PDZD4: variants seen among roughly 807,000 people sequenced by gnomAD.
PDZD4 encodes PDZ domain-containing protein 4.
PDZD4 carries 9 observed loss-of-function variants against 38.5 expected under a neutral mutation model. That is an observed-to-expected ratio of 0.23 (90% CI 0.14 to 0.41). PDZD4 has a LOEUF of 0.41. Ranked by LOEUF, PDZD4 falls within the 10% of genes least tolerant of loss-of-function variation. PDZD4 has a pLI of 1.00. For missense variants in PDZD4, 612 were observed against 722.0 expected (o/e 0.85, Z 1.75); for synonymous variants, 349 against 315.7 (o/e 1.11, Z -1.12).
Position 153,808,416 on chromosome X carries a change from A to G in PDZD4, c.240T>C (p.His80=). ...GACGCAGCTTGCCCAGCGCCATGAT[A>G]TGCTCGAAGGTGATGTCGGTCTGAG... is the stretch of plus-strand genomic sequence containing the variant. ...SGTQTDITFE[H]IMALGKLRPP... The change falls in exon 2 of 8, where the codon CAT becomes CAC. Residue 80 remains histidine, a synonymous_variant. Transcript: ENST00000393758. The G allele has an allele frequency of 2.5e-6, 3 of 1,211,086 alleles. No individual in the cohort carries two copies. The highest frequency in any genetic ancestry group is 3.4e-6 in the Non-Finnish European group (3 of 895,379).
At chrX:153,828,820 C>T (rs1366455209) in intron 1 of PDZD4, among the ~76,000 whole-genome samples, 1 of 111,960 alleles carries the variant, frequency 8.9e-6, no homozygotes, top group Non-Finnish European at 1.9e-5. Context: ...GGATGGGATC[C>T]AGAGTCCCCG....
chrX:153,811,274 T>A (rs2064307846), intron 1 of PDZD4, among the ~76,000 whole-genome samples: 1 of 111,846 alleles, frequency 8.9e-6, no homozygotes, highest in East Asian at 2.8e-4. Flanking sequence ...ATAGCTAGGA[T>A]TACAGGCACC....
rs1217359454 is a variant in PDZD4 at position 153,804,066 on chromosome X, CCCGGGAGAGGGA to C, written c.1603_1614del (p.Ser535_Arg538del). On this transcript the variant is annotated inframe_deletion, in exon 8 of 8. Transcript: ENST00000393758. ...TGCTGCCTCCGGCCGGCCTCAGGAT[CCCGGGAGAGGGA>C]CCGGAACTTGGCGGGGCTCCCCGGT... 8 of 1,157,837 alleles carry C rather than the reference CCCGGGAGAGGGA, an allele frequency of 6.9e-6. No homozygotes were observed. Among genetic ancestry groups the C allele is most frequent in the Non-Finnish European group, 9.2e-6 (8 of 871,694 alleles).
At chrX:153,826,343 T>C (rs2148478397) in intron 1 of PDZD4, among the ~76,000 whole-genome samples, 1 of 111,579 alleles carries the variant, frequency 9.0e-6, no homozygotes, top group African/African-American at 3.2e-5. Flanking sequence ...TCCTGAGGAA[T>C]CTACTAAACA....
intron 1 of PDZD4, among the ~76,000 whole-genome samples, chrX:153,822,422 G>A (rs1358609083): frequency 9.0e-6 from 1 of 111,055 alleles, no homozygotes; most frequent in African/African-American, 3.3e-5. Flanking sequence ...CCTCTGCAGC[G>A]TTTTACAATC....
rs1557076333 is a variant in PDZD4 at position 153,804,872 on chromosome X, G to A, written c.809C>T (p.Pro270Leu). 4 of 1,208,636 alleles carry A rather than the reference G, an allele frequency of 3.3e-6. No homozygotes were observed. Among genetic ancestry groups the A allele is most frequent in the Non-Finnish European group, 4.5e-6 (4 of 894,315 alleles). Residue 270 changes from proline (P) to leucine (L), a missense_variant, in exon 8 of 8, where the codon CCC becomes CTC. Transcript: ENST00000393758. ...QPGNEEEKGA[P>L]DAGPGLSNSQ... ...GTTGCTCAGGCCTGGGCCGGCATCG[G>A]GAGCCCCCTTCTCCTCTTCGTTTCC...
intron 1 of PDZD4, among the ~76,000 whole-genome samples, chrX:153,828,479 G>T (rs1557082971): frequency 8.9e-6 from 1 of 112,655 alleles, no homozygotes; most frequent in African/African-American, 3.2e-5. Context: ...TCCTTGGGGT[G>T]GGCAAGTCCC....
At chrX:153,817,973 C>A (rs782062881) in intron 1 of PDZD4, among the ~76,000 whole-genome samples, 16 of 112,521 alleles carry the variant, frequency 1.4e-4, no homozygotes, top group African/African-American at 4.2e-4. Context: ...CGGCCAGGCA[C>A]GGTGGCTCAA....
chrX:153,830,168 T>C, intron 1 of PDZD4, 71 bp downstream of exon 1: 1 of 1,015,749 alleles, frequency 9.8e-7, no homozygotes, highest in African/African-American at 2.0e-5. Context: ...CGCCCGCCGC[T>C]CCGGGCCTCC....
rs1557077399 is a variant in PDZD4, at chrX:153,807,261, C to G, written c.405+18G>C. 1 of 1,205,146 alleles carries G rather than the reference C, an allele frequency of 8.3e-7. No homozygotes were observed. Among genetic ancestry groups the G allele is most frequent in the Admixed American group, 2.2e-5 (1 of 45,644 alleles). ...TCCCGCAGCTGGCTGCGGGCCCTGG[C>G]CTGGCCACCCGGCTCACCTCATACT... On this transcript the variant is annotated intron_variant, in intron 3 of 7. Transcript: ENST00000393758.
rs782436345 is a variant in PDZD4 at position 153,805,547 on chromosome X, C to A, written c.627G>T (p.Glu209Asp). The A allele has an allele frequency of 2.5e-6, 3 of 1,211,067 alleles. No homozygotes were observed. The highest frequency in any genetic ancestry group is 3.4e-6 in the Non-Finnish European group (3 of 895,411). Residue 209 changes from glutamate to aspartate, a missense_variant, in exon 6 of 8, where the codon GAG becomes GAT. Glu to Asp is a conservative substitution (Grantham distance 45). Around this residue, in one of 3 missense-constraint regions of PDZD4, gnomAD observed 225 missense variants for 311.0 expected, o/e 0.72. Transcript: ENST00000393758. ...EEAVAILSQE[E>D]NTNISLLVAR... ...CCACCAGCAGGGAGATGTTGGTGTT[C>A]TCTTCCTGGCTCAGGATGGCCACCG...
chrX:153,804,120 C>T lies in PDZD4; in HGVS notation c.1561G>A (p.Ala521Thr). ...TPPGPAVATP[A>T]KAAPPPGSPA... ...CTCCCCGGTGGAGGAGCTGCCTTGG[C>T]GGGGGTGGCAACAGCGGGGCCGGGA... The change falls in exon 8 of 8, where the codon GCC becomes ACC. Residue 521 changes from alanine (A) to threonine (T), a missense_variant. By Grantham distance (58) the Ala-to-Thr change is moderately conservative. Around this residue, in one of 3 missense-constraint regions of PDZD4, gnomAD observed 300 missense variants for 284.6 expected, o/e 1.05. Transcript: ENST00000393758. 1 of 1,150,101 alleles carries T rather than the reference C, an allele frequency of 8.7e-7. No homozygotes were observed. The highest frequency in any genetic ancestry group is 1.2e-6 in the Non-Finnish European group (1 of 868,184). 94.8% of individuals were successfully genotyped at this position (1,150,101 alleles called of 1,213,427 possible). A position where few individuals can be genotyped will look rare whatever the true frequency, so the allele number is the denominator to read the frequency against.
At chrX:153,820,622 G>GA in intron 1 of PDZD4, among the ~76,000 whole-genome samples, 1 of 111,564 alleles carries the variant, frequency 9.0e-6, no homozygotes, top group Non-Finnish European at 1.9e-5. Context: ...CTCTAATCTA[G>GA]AAAAAAATAT....
chrX:153,815,596 A>G (rs1466299515), intron 1 of PDZD4, among the ~76,000 whole-genome samples: 10 of 112,818 alleles, frequency 8.9e-5, no homozygotes, highest in Admixed American at 3.7e-4. Context: ...ACATGAATTT[A>G]ATTACAAGGA....
chrX:153,808,620 A>G (rs1569543380), intron 1 of PDZD4, 25 bp from the exon 2 acceptor site: 2 of 1,131,600 alleles, frequency 1.8e-6, no homozygotes, highest in Non-Finnish European at 2.3e-6. Flanking sequence ...CGCCTCCGTA[A>G]GAACCCTCAA....
chrX:153,804,561 C>G lies in PDZD4; in HGVS notation c.1120G>C (p.Glu374Gln). The change falls in exon 8 of 8, where the codon GAG (glutamate) becomes CAG (glutamine). Residue 374 changes from glutamate (E) to glutamine (Q), a missense_variant. By Grantham distance (29) the Glu-to-Gln change is conservative. Transcript: ENST00000393758. Reference protein sequence around the residue: ...RELLEIKCHLENGNQLGLLFP... With the variant: ...RELLEIKCHLQNGNQLGLLFP... ...AGGAGGCCCAGCTGGTTGCCGTTCTCCAGGTGGCACTTGATCTCCAGGAGC... is the reference window on the plus strand; with the variant it reads ...AGGAGGCCCAGCTGGTTGCCGTTCTGCAGGTGGCACTTGATCTCCAGGAGC... The G allele has an allele frequency of 2.5e-6, 3 of 1,209,902 alleles. No homozygotes were observed. The highest frequency in any genetic ancestry group is 3.4e-6 in the Non-Finnish European group (3 of 895,456).
intron 7 of PDZD4, 23 bp from the exon 8 acceptor site, chrX:153,804,923 G>A (rs782695666): frequency 1.7e-6 from 2 of 1,183,454 alleles, no homozygotes; most frequent in Non-Finnish European, 2.3e-6. Context: ...GGTAAGTACC[G>A]CTCAGTTAGG....
In PDZD4 at chrX:153,804,671, A is replaced by G; in HGVS notation, c.1010T>C (p.Met337Thr). ...ALQSRDFHFS[M>T]DSLLAEGAGL... is the part of the protein sequence containing the mutation. Reference sequence around the variant, plus strand: ...CGCCCCCTCGGCCAGCAGAGAGTCCATGCTGAAATGGAAGTCCCGGCTCTG... The same window carrying G: ...CGCCCCCTCGGCCAGCAGAGAGTCCGTGCTGAAATGGAAGTCCCGGCTCTG... Residue 337 changes from methionine to threonine, a missense_variant, in exon 8 of 8, where the codon ATG becomes ACG. By Grantham distance (81) the Met-to-Thr change is moderately conservative. Around this residue, in one of 3 missense-constraint regions of PDZD4, gnomAD observed 225 missense variants for 311.0 expected, o/e 0.72. Coordinates refer to ENST00000393758, the MANE Select transcript of PDZD4 (RefSeq NM_001303512.2). 3.4e-6 allele frequency: 4 copies of G among 1,173,668 alleles called. No homozygotes were observed. Among genetic ancestry groups the G allele is most frequent in the Non-Finnish European group, 3.4e-6 (3 of 872,200 alleles).
At chrX:153,827,004 A>G (rs781872138) in intron 1 of PDZD4, among the ~76,000 whole-genome samples, 2 of 112,099 alleles carry the variant, frequency 1.8e-5, no homozygotes, top group Non-Finnish European at 3.8e-5. Context: ...AACTTGAGGG[A>G]CTTAGAATAG....
Sources: allele counts gnomAD v4.1 joint callset (sites outside exome capture counted in the v4.1 genomes callset), GRCh38; gene constraint gnomAD v4.1.1; regional missense constraint gnomAD v4.1.1; transcripts MANE v1.5; gene names NCBI Gene and HGNC (gene_info 2026-07-23, HGNC 2026-07-21).